SLC43A2: variants seen among roughly 807,000 people sequenced by gnomAD.
SLC43A2 encodes solute carrier family 43 member 2.
In SLC43A2, 38 loss-of-function variants were observed where a neutral mutation model predicts 63.2. The observed-to-expected ratio is 0.60, with a 90% CI of 0.46 to 0.79. SLC43A2 has a LOEUF of 0.79. Ranked by LOEUF, SLC43A2 falls within the 30% of genes least tolerant of loss-of-function variation. The pLI, the probability that SLC43A2 is intolerant of heterozygous loss-of-function variation, is 0.00. For synonymous variants in SLC43A2, 322 were observed against 331.0 expected (o/e 0.97, Z 0.30); for missense variants, 644 against 756.2 (o/e 0.85, Z 1.74).
intron 5 of SLC43A2, among the ~76,000 whole-genome samples, chr17:1,608,345 G>A (rs1457357484): frequency 2.0e-5 from 3 of 152,040 alleles, no homozygotes; most frequent in African/African-American, 7.2e-5. Flanking sequence ...TTTGCCTCCA[G>A]TGGGAGAGCA....
chr17:1,611,482 A>G (rs1907097616), intron 5 of SLC43A2, among the ~76,000 whole-genome samples: 1 of 151,958 alleles, frequency 6.6e-6, no homozygotes, highest in Non-Finnish European at 1.5e-5. Flanking sequence ...TAAAAATACA[A>G]AAATTAGCGA....
chr17:1,598,247 C>G (rs569600591), intron 5 of SLC43A2, among the ~76,000 whole-genome samples: 1 of 152,178 alleles, frequency 6.6e-6, no homozygotes, highest in Non-Finnish European at 1.5e-5. Flanking sequence ...ACAGTGAAAC[C>G]TTGTCTCTAC....
At chr17:1,614,667 G>A (rs1367560073) in intron 4 of SLC43A2, among the ~76,000 whole-genome samples, 2 of 152,082 alleles carry the variant, frequency 1.3e-5, no homozygotes, top group Non-Finnish European at 2.9e-5. Context: ...TGCACACACC[G>A]ATGACCATGC....
intron 6 of SLC43A2, 40 bp from the exon 7 acceptor site, chr17:1,591,739 G>GGTGGGGC: frequency 9.8e-6 from 5 of 512,306 alleles, no homozygotes; most frequent in Non-Finnish European, 1.9e-5. Context: ...GGGGGAGGGG[G>GGTGGGGC]CAGAGTTAGC....
At chr17:1,592,869 C>T (rs764956999) in intron 6 of SLC43A2, among the ~76,000 whole-genome samples, 1 of 152,092 alleles carries the variant, frequency 6.6e-6, no homozygotes, top group African/African-American at 2.4e-5. Flanking sequence ...AGGGGAGCAG[C>T]GGGAGACCAG....
At chr17:1,596,476 A>G (rs1036972187) in intron 5 of SLC43A2, among the ~76,000 whole-genome samples, 2 of 152,198 alleles carry the variant, frequency 1.3e-5, no homozygotes, top group African/African-American at 4.8e-5. Flanking sequence ...ATCACAGATC[A>G]AGAGCTTGCA....
At chr17:1,616,337 G>A (rs1305033957) in intron 3 of SLC43A2, 3 of 556,926 alleles carry the variant, frequency 5.4e-6, no homozygotes, top group Non-Finnish European at 9.5e-6. Context: ...CCGGTCCCTG[G>A]GCGGCCTGGA....
intron 3 of SLC43A2, chr17:1,616,234 G>A (rs548272739): frequency 9.5e-6 from 3 of 314,366 alleles, no homozygotes; most frequent in South Asian, 7.2e-5. Context: ...AGGTTTGAGG[G>A]AAGCATGTCT....
chr17:1,601,049 C>A (rs1030558329), intron 5 of SLC43A2, among the ~76,000 whole-genome samples: 2 of 138,030 alleles, frequency 1.4e-5, no homozygotes, highest in African/African-American at 2.8e-5. Context: ...TGATTTTCCA[C>A]CCCTCCCAGT....
intron 10 of SLC43A2, chr17:1,585,094 A>C: frequency 1.1e-6 from 1 of 903,252 alleles, no homozygotes; most frequent in Non-Finnish European, 1.3e-6. Flanking sequence ...ATACCTGTTA[A>C]TCCCAGTACT....
chr17:1,611,043 T>TA, intron 5 of SLC43A2, among the ~76,000 whole-genome samples: 1 of 151,940 alleles, frequency 6.6e-6, no homozygotes, highest in Non-Finnish European at 1.5e-5. Flanking sequence ...GGTTTCACTA[T>TA]CTTGGGCCAG....
At position 1,577,192 on chromosome 17, in the gene SLC43A2, C is replaced by G. The variant is rs2075947610; in HGVS notation, c.1425-472G>C. On this transcript the variant is annotated intron_variant, in intron 12 of 13. Transcript: ENST00000301335. The surrounding 1 kb of genome is among the most constrained non-coding windows in gnomAD (Gnocchi z 4.9). ...CTGGGTGGTTCTGCAAAGTGTTTCT[C>G]TTTGGACCAGCTCCAGGCCCCAGAC... 6.6e-6 allele frequency among the ~76,000 whole-genome samples: 1 copy of G among 152,194 alleles called. No homozygotes were observed. The highest frequency in any genetic ancestry group is 1.5e-5 in the Non-Finnish European group (1 of 68,038).
At chr17:1,591,186 T>G in intron 8 of SLC43A2, 83 bp downstream of exon 8, 5 of 1,519,940 alleles carry the variant, frequency 3.3e-6, no homozygotes, top group African/African-American at 1.4e-5. Context: ...CGCCTCCCCT[T>G]TTGGGGTGAG....
intron 5 of SLC43A2, among the ~76,000 whole-genome samples, chr17:1,608,784 C>T (rs1906845399): frequency 6.6e-6 from 1 of 152,132 alleles, no homozygotes; most frequent in Non-Finnish European, 1.5e-5. Context: ...CTGAGCAGCA[C>T]CTACACACGC....
chr17:1,600,857 C>CT (rs775488616), intron 5 of SLC43A2, among the ~76,000 whole-genome samples: 4,740 of 143,192 alleles, frequency 0.033, 217 homozygotes, highest in African/African-American at 0.1. Context: ...TGCGCCCAGA[C>CT]TTTTTTTTTT....
At chr17:1,585,564 A>G in intron 10 of SLC43A2, 1 of 794,610 alleles carries the variant, frequency 1.3e-6, no homozygotes, top group South Asian at 1.7e-5. Flanking sequence ...AATTTTTTGT[A>G]GAGACGGGGA....
At chr17:1,591,739 G>GGGGGGGGGGGGGGGGGGC in intron 6 of SLC43A2, 40 bp from the exon 7 acceptor site, 3 of 512,308 alleles carry the variant, frequency 5.9e-6, no homozygotes, top group Non-Finnish European at 1.2e-5. Context: ...GGGGGAGGGG[G>GGGGGGGGGGGGGGGGGGC]CAGAGTTAGC....
chr17:1,626,951 G>A (rs1243298761), intron 2 of SLC43A2, among the ~76,000 whole-genome samples: 1 of 152,144 alleles, frequency 6.6e-6, no homozygotes, highest in East Asian at 1.9e-4. Context: ...CCTCCAACAG[G>A]GTATGAAGGT....
intron 2 of SLC43A2, among the ~76,000 whole-genome samples, chr17:1,622,169 A>AC (rs1908215971): frequency 6.6e-6 from 1 of 152,336 alleles, no homozygotes; most frequent in South Asian, 2.1e-4. Flanking sequence ...CAGCCTTTAA[A>AC]CCTTCTTACC....
Sources: allele counts gnomAD v4.1 joint callset (sites outside exome capture counted in the v4.1 genomes callset), GRCh38; gene constraint gnomAD v4.1.1; non-coding constraint Gnocchi (gnomAD v3.1); transcripts MANE v1.5; gene names NCBI Gene and HGNC (gene_info 2026-07-23, HGNC 2026-07-21).